RIC3: variants seen among roughly 807,000 people sequenced by gnomAD.
The protein encoded by RIC3 is RIC3 acetylcholine receptor chaperone.
Under a neutral mutation model 27.3 loss-of-function variants are expected in RIC3, and 28 were observed. The observed-to-expected ratio is 1.02, with a 90% CI of 0.76 to 1.41. RIC3 has a LOEUF of 1.41. Ranked by LOEUF, RIC3 falls within the 40% of genes most tolerant of loss-of-function variation. The probability of loss-of-function intolerance (pLI) is 0.00; values close to 1 mark genes in which losing one functional copy is unlikely to be tolerated. For missense variants in RIC3, 501 were observed against 444.7 expected, an observed-to-expected ratio of 1.13 and a Z score of -1.14; for synonymous variants, 184 against 160.4, an observed-to-expected ratio of 1.15 and a Z score of -1.11.
downstream of RIC3, chr11:8,105,553 C>T (rs1944528972): frequency 6.6e-6 from 1 of 152,208 alleles, no homozygotes; most frequent in African/African-American, 2.4e-5. Context: ...AGCACTACTG[C>T]ACTTAGTAGC....
chr11:8,104,388 C>CT (rs1944437914), downstream of RIC3: 1 of 152,314 alleles, frequency 6.6e-6, no homozygotes, highest in Non-Finnish European at 1.5e-5. Context: ...TCTAGCTTTC[C>CT]TTTCCTTCTG....
intron 1 of RIC3, among the ~76,000 whole-genome samples, chr11:8,154,781 C>T (rs1437501695): frequency 6.6e-6 from 1 of 151,846 alleles, no homozygotes; most frequent in Non-Finnish European, 1.5e-5. Context: ...TTAAAAACAG[C>T]TAAAGAGATC....
At chr11:8,168,571 G>T (rs1055987404) in intron 1 of RIC3, among the ~76,000 whole-genome samples, 1 of 152,198 alleles carries the variant, frequency 6.6e-6, no homozygotes, top group South Asian at 2.1e-4. Flanking sequence ...AGCCAGCGGG[G>T]TAAGAGAGAA....
At chr11:8,124,876 TA>T (rs1246503720) in intron 5 of RIC3, among the ~76,000 whole-genome samples, 1 of 152,186 alleles carries the variant, frequency 6.6e-6, no homozygotes, top group Non-Finnish European at 1.5e-5. Context: ...ATCACAGGCC[TA>T]AATGTAAAAG....
intron 5 of RIC3, among the ~76,000 whole-genome samples, chr11:8,112,886 T>C (rs537103116): frequency 4.6e-5 from 7 of 152,338 alleles, no homozygotes; most frequent in African/African-American, 1.4e-4. Flanking sequence ...TTCTTTAAGA[T>C]AGACTTCTAT....
At chr11:8,093,432 T>C in the RIC3 span, among the ~76,000 whole-genome samples, 1 of 152,076 alleles carries the variant, frequency 6.6e-6, no homozygotes, top group Non-Finnish European at 1.5e-5. Context: ...TTAAGAGCAA[T>C]CAGAAACCAT....
At chr11:8,100,965 T>C in the RIC3 span, 1 of 1,614,074 alleles carries the variant, frequency 6.2e-7, no homozygotes, top group Non-Finnish European at 8.5e-7. Context: ...CAGGCCTCCG[T>C]GAAGAACTTC....
intron 1 of RIC3, among the ~76,000 whole-genome samples, chr11:8,144,962 T>C (rs2134000006): frequency 7.8e-6 from 1 of 128,490 alleles, no homozygotes; most frequent in East Asian, 2.3e-4. Flanking sequence ...TTCTCACTCA[T>C]AGGTGGGAAT....
At chr11:8,100,672 C>A in the RIC3 span, 6 of 1,549,750 alleles carry the variant, frequency 3.9e-6, no homozygotes, top group Non-Finnish European at 5.3e-6. Context: ...AAGGGCAGAA[C>A]TCCAGCTGAT....
chr11:8,137,532 A>G, intron 3 of RIC3, 61 bp from the exon 4 acceptor site: 2 of 1,374,810 alleles, frequency 1.5e-6, no homozygotes, highest in South Asian at 2.4e-5. Context: ...TGTTAAAGAG[A>G]CCACAAATTT....
intron 5 of RIC3, among the ~76,000 whole-genome samples, chr11:8,124,916 G>C (rs889258912): frequency 1.3e-5 from 2 of 152,102 alleles, no homozygotes; most frequent in African/African-American, 4.8e-5. Flanking sequence ...TAGAAAACAT[G>C]GGAATTGGGA....
chr11:8,094,793 G>C, the RIC3 span, among the ~76,000 whole-genome samples: 1 of 152,332 alleles, frequency 6.6e-6, no homozygotes, highest in East Asian at 1.9e-4. Flanking sequence ...TTTTGTTCAC[G>C]GACAGTGGTT....
chr11:8,168,398 A>G (rs894574278), intron 1 of RIC3, among the ~76,000 whole-genome samples: 5 of 152,216 alleles, frequency 3.3e-5, no homozygotes, highest in Admixed American at 6.5e-5. Flanking sequence ...GCCCAGCACC[A>G]AGTTGAAAAA....
intron 1 of RIC3, among the ~76,000 whole-genome samples, chr11:8,143,874 G>A (rs527794642): frequency 9.7e-4 from 148 of 152,108 alleles, no homozygotes; most frequent in South Asian, 2.3e-3. Context: ...AAATAACGCC[G>A]CATATCTACA....
Position 8,128,899 on chromosome 11 carries a change from C to T in RIC3, c.522-2092G>A, listed in dbSNP as rs1055770046. 2.6e-5 allele frequency among the ~76,000 whole-genome samples: 4 copies of T among 151,902 alleles called. No individual in the cohort carries two copies. The South Asian group carries it at 6.3e-4, about 24-fold the overall frequency. On this transcript the variant is annotated intron_variant, in intron 4 of 5. Transcript: ENST00000309737. ...CCTCCCGCATAGCTGGGACTACAGG[C>T]GCCAGCCACCTCGCCTGGCTAATTT...
intron 5 of RIC3, 38 bp from the exon 6 acceptor site, chr11:8,111,175 T>A (rs903790173): frequency 6.5e-6 from 9 of 1,379,892 alleles, no homozygotes; most frequent in Non-Finnish European, 8.7e-6. Flanking sequence ...ACAAAGAATG[T>A]CTCCTCAAAA....
chr11:8,100,443 C>A, the RIC3 span: 43 of 1,350,180 alleles, frequency 3.2e-5, no homozygotes, highest in Admixed American at 8.8e-5. Context: ...CCGTCCCCCC[C>A]ACCTTCTCCA....
At chr11:8,165,215 A>G (rs1265772233) in intron 1 of RIC3, among the ~76,000 whole-genome samples, 1 of 152,244 alleles carries the variant, frequency 6.6e-6, no homozygotes, top group East Asian at 1.9e-4. Context: ...TGAAAACATT[A>G]AGTCTACACA....
At chr11:8,096,568 T>G in the RIC3 span, 1 of 737,570 alleles carries the variant, frequency 1.4e-6, no homozygotes, top group South Asian at 1.5e-5. Flanking sequence ...AGTGTGTGCA[T>G]AAGTTTGTGG....
Sources: allele counts gnomAD v4.1 joint callset (sites outside exome capture counted in the v4.1 genomes callset), GRCh38; gene constraint gnomAD v4.1.1; transcripts MANE v1.5; gene names NCBI Gene and HGNC (gene_info 2026-07-23, HGNC 2026-07-21).